Variants in ETV6 observed in about 807,000 individuals in gnomAD.
ETV6 encodes the protein ETS variant transcription factor 6, also known as transcription factor ETV6.
A neutral mutation model predicts 51.1 loss-of-function variants in ETV6; 16 were observed. The observed-to-expected ratio is 0.31, with a 90% CI of 0.21 to 0.48. ETV6 has a LOEUF of 0.48. ETV6 is among the 20% of genes least tolerant of loss of function. ETV6 has a pLI of 0.99. For synonymous variants in ETV6, 240 were observed against 224.1 expected (o/e 1.07, Z -0.64); for missense variants, 458 against 594.8 (o/e 0.77, Z 2.39).
chr12:11,853,444 C>G lies in ETV6; in HGVS notation c.346C>G (p.Leu116Val), dbSNP rs757375701. Reference protein sequence around the residue: ...SPHSGDVLYELLQHILKQRKP... With the variant: ...SPHSGDVLYEVLQHILKQRKP... ...CTTTCCAGGTGATGTGCTCTATGAA[C>G]TCCTTCAGCATATTCTGAAGCAGAG... The change falls in exon 4 of 8, where the codon CTC (leucine) becomes GTC (valine). Residue 116 changes from leucine to valine, a missense_variant. Leu to Val is a conservative substitution (Grantham distance 32). Around this residue, in one of 4 missense-constraint regions of ETV6, gnomAD observed 293 missense variants for 315.7 expected, o/e 0.93. Transcript: ENST00000396373. 6.8e-6 allele frequency: 11 copies of G among 1,614,090 alleles called. No homozygotes were observed. In the South Asian group the frequency reaches 1.1e-4, roughly 16 times the overall value.
At chr12:11,671,953 C>T (rs1324262852) in intron 1 of ETV6, among the ~76,000 whole-genome samples, 1 of 146,698 alleles carries the variant, frequency 6.8e-6, no homozygotes, top group Non-Finnish European at 1.5e-5. Flanking sequence ...AAAAAAAACA[C>T]AAATCAGAAG....
intron 2 of ETV6, among the ~76,000 whole-genome samples, chr12:11,806,831 C>T (rs61921848): frequency 7.9e-5 from 12 of 152,212 alleles, no homozygotes; most frequent in South Asian, 2.1e-4. Flanking sequence ...ACACCTTTGC[C>T]GGACAGCACC....
chr12:11,694,954 C>T (rs898796892), intron 1 of ETV6, among the ~76,000 whole-genome samples: 2 of 152,128 alleles, frequency 1.3e-5, no homozygotes, highest in Non-Finnish European at 2.9e-5. Flanking sequence ...AATTTGGAAC[C>T]GGTCATGTAA....
intron 1 of ETV6, among the ~76,000 whole-genome samples, chr12:11,686,343 C>T (rs564101796): frequency 1.3e-5 from 2 of 152,294 alleles, no homozygotes; most frequent in South Asian, 4.1e-4. Context: ...TACTCAAGCA[C>T]TCTTCCAGGG....
At chr12:11,731,135 C>T (rs1162074335) in intron 1 of ETV6, among the ~76,000 whole-genome samples, 1 of 152,168 alleles carries the variant, frequency 6.6e-6, no homozygotes, top group Non-Finnish European at 1.5e-5. Flanking sequence ...GGGCAGCCCT[C>T]TTTCTCCACT....
intron 7 of ETV6, among the ~76,000 whole-genome samples, chr12:11,886,936 A>C (rs981948719): frequency 5.9e-5 from 9 of 152,210 alleles, no homozygotes; most frequent in African/African-American, 1.4e-4. Flanking sequence ...AGATGGGGCT[A>C]GAGATGTAGA....
chr12:11,811,529 C>T (rs1945913672), intron 2 of ETV6, among the ~76,000 whole-genome samples: 1 of 152,074 alleles, frequency 6.6e-6, no homozygotes, highest in Admixed American at 6.5e-5. Flanking sequence ...AGGGAGATGG[C>T]TCATTAAGCT....
intron 2 of ETV6, among the ~76,000 whole-genome samples, chr12:11,777,188 C>G (rs913180567): frequency 2.2e-5 from 3 of 134,866 alleles, no homozygotes; most frequent in Admixed American, 9.2e-5. Context: ...TGCAGTGAGC[C>G]GAGATAGCGC....
In ETV6 at chr12:11,788,906, T is replaced by C. The variant is rs368658881; in HGVS notation, c.163+36327T>C. Reference sequence around the variant, plus strand: ...TGGACAGAACAATTTAGTGTTTACATATTAAGATTATATAAGTGCCATTTG... The same window carrying C: ...TGGACAGAACAATTTAGTGTTTACACATTAAGATTATATAAGTGCCATTTG... On this transcript the variant is annotated intron_variant, in intron 2 of 7. Coordinates refer to ENST00000396373, the MANE Select transcript of ETV6 (RefSeq NM_001987.5). Among the ~76,000 whole-genome samples, 9 of 152,166 alleles carry C rather than the reference T, an allele frequency of 5.9e-5. No individual in the cohort carries two copies. In the East Asian group the frequency reaches 7.7e-4, roughly 13 times the overall value.
chr12:11,728,379 G>C (rs1004745688), intron 1 of ETV6, among the ~76,000 whole-genome samples: 1 of 152,190 alleles, frequency 6.6e-6, no homozygotes, highest in South Asian at 2.1e-4. Flanking sequence ...GGTGAGTGGC[G>C]GGCAAGTGAG....
At chr12:11,843,179 A>AT (rs1183344803) in intron 3 of ETV6, among the ~76,000 whole-genome samples, 1 of 152,240 alleles carries the variant, frequency 6.6e-6, no homozygotes, top group East Asian at 1.9e-4. Context: ...ACACAGGAGT[A>AT]TTGCGAATGG....
At chr12:11,706,411 A>T (rs963487580) in intron 1 of ETV6, among the ~76,000 whole-genome samples, 2 of 152,200 alleles carry the variant, frequency 1.3e-5, no homozygotes, top group African/African-American at 4.8e-5. Context: ...ATCACATTGC[A>T]AGATTGTTTC....
chr12:11,742,630 C>T (rs115610702), intron 1 of ETV6, among the ~76,000 whole-genome samples: 1,652 of 152,072 alleles, frequency 0.011, 27 homozygotes, highest in African/African-American at 0.037. Flanking sequence ...AGTTAGTTTC[C>T]CATTTTACAA....
intron 1 of ETV6, among the ~76,000 whole-genome samples, chr12:11,685,599 C>CA (rs1468321738): frequency 6.6e-6 from 1 of 152,044 alleles, no homozygotes. Context: ...CAGCAATACA[C>CA]ACACACGTGT....
In ETV6 at chr12:11,869,548, C is replaced by T. The variant is rs142652732; in HGVS notation, c.588C>T (p.Pro196=). 425 of 1,614,074 alleles carry T rather than the reference C, an allele frequency of 2.6e-4. No individual in the cohort carries two copies. Among genetic ancestry groups the T allele is most frequent in the South Asian group, 4.5e-4 (41 of 91,084 alleles). The change falls in exon 5 of 8, where the codon CCC becomes CCT. Residue 196 remains proline (P), a synonymous_variant. Coordinates refer to ENST00000396373, the MANE Select transcript of ETV6 (RefSeq NM_001987.5). This position sits in a 1 kb window ranked among gnomAD's most constrained non-coding sequence, Gnocchi z 5.0. The part of the protein sequence containing the change: ...ITTNHRPSPD[P]EQRPLRSPLD... ...CAAATCACCGGCCTTCTCCTGACCC[C>T]GAGCAGCGGCCCCTCCGGTCCCCCC...
intron 1 of ETV6, among the ~76,000 whole-genome samples, chr12:11,674,615 TTGTGTGTGTGTGTGTGTGTG>T (rs5796457): frequency 1.9e-4 from 25 of 133,240 alleles, no homozygotes; most frequent in African/African-American, 4.0e-4. Flanking sequence ...TAGGGGTTAT[TTGTGTGTGTGTGTGTGTGTG>T]TGTGTGTGTG....
intron 1 of ETV6, among the ~76,000 whole-genome samples, chr12:11,720,422 CTG>C (rs1865361037): frequency 1.3e-5 from 2 of 152,180 alleles, no homozygotes; most frequent in Admixed American, 1.3e-4. Context: ...GTTTCCCTGT[CTG>C]TAAAATCAGG....
chr12:11,744,092 A>G (rs1865862811), intron 1 of ETV6, among the ~76,000 whole-genome samples: 2 of 152,184 alleles, frequency 1.3e-5, no homozygotes, highest in South Asian at 4.1e-4. Context: ...CCCCAGGTCC[A>G]CTGTGAGGGA....
At position 11,670,949 on chromosome 12, in the gene ETV6, G is replaced by A. The variant is rs139211702; in HGVS notation, c.33+20789G>A. Among the ~76,000 whole-genome samples, 275 of 152,222 alleles carry A rather than the reference G, an allele frequency of 1.8e-3. 1 individual carries two copies. The highest frequency in any genetic ancestry group is 5.8e-3 in the African/African-American group (243 of 41,540). On this transcript the variant is annotated intron_variant, in intron 1 of 7. Transcript: ENST00000396373. Reference sequence around the variant, plus strand: ...TTAAAACCCATATTTTTTGGAGAGGGATATTAAGTGAGCAGGGATTGTGGG... The same window carrying A: ...TTAAAACCCATATTTTTTGGAGAGGAATATTAAGTGAGCAGGGATTGTGGG...
Sources: gnomAD v4.1 joint callset for allele counts (sites outside exome capture counted in the v4.1 genomes callset) on GRCh38, gnomAD v4.1.1 for gene constraint, gnomAD v4.1.1 regional missense constraint, Gnocchi (gnomAD v3.1) non-coding constraint, MANE v1.5 for transcripts, NCBI Gene and HGNC (gene_info 2026-07-23, HGNC 2026-07-21) for gene names.